The following ASB18 variants were observed in gnomAD, a reference collection of about 807,000 sequenced individuals.
ASB18 encodes ankyrin repeat and SOCS box protein 18.
A neutral mutation model predicts 33.4 loss-of-function variants in ASB18; 33 were observed. That is an observed-to-expected ratio of 0.99 (90% CI 0.75 to 1.32). ASB18 has a LOEUF of 1.32. Ranked by LOEUF, ASB18 falls within the 40% of genes most tolerant of loss-of-function variation. ASB18 has a pLI of 0.00. For synonymous variants in ASB18, 295 were observed against 307.6 expected (o/e 0.96, Z 0.43); for missense variants, 694 against 655.5 (o/e 1.06, Z -0.64).
At chr2:236,258,256 T>C (rs1574673970) in intron 1 of ASB18, among the ~76,000 whole-genome samples, 1 of 152,132 alleles carries the variant, frequency 6.6e-6, no homozygotes, top group Non-Finnish European at 1.5e-5. Flanking sequence ...GCTTTGTTGA[T>C]CCCCTCCACA....
At position 236,241,803 on chromosome 2, in the gene ASB18, C is replaced by T. The variant is rs1049738832; in HGVS notation, c.206-401G>A. Among the ~76,000 whole-genome samples the T allele has an allele frequency of 2.0e-5, 3 of 152,116 alleles. No individual in the cohort carries two copies. The highest frequency in any genetic ancestry group is 2.0e-4 in the Admixed American group (3 of 15,274). On this transcript the variant is annotated intron_variant, in intron 1 of 5. Transcript: ENST00000409749. This position sits in a 1 kb window ranked among gnomAD's most constrained non-coding sequence, Gnocchi z 4.2. Reference sequence around the variant, plus strand: ...TAGCTCCAAAGCAGCTCTCCATGCACCGAGGGCAGACTCCCAGCACACATT... The same window carrying T: ...TAGCTCCAAAGCAGCTCTCCATGCATCGAGGGCAGACTCCCAGCACACATT...
rs1470932651 is a variant in ASB18 at position 236,252,719 on chromosome 2, C to CAGG, written c.206-11320_206-11318dup. Among the ~76,000 whole-genome samples the CAGG allele has an allele frequency of 6.6e-6, 1 of 152,076 alleles. No individual in the cohort carries two copies. Among genetic ancestry groups the CAGG allele is most frequent in the African/African-American group, 2.4e-5 (1 of 41,410 alleles). ...GGGGTCAGGCAGAGGGGCACCTGAG[C>CAGG]AGGAAATGAAGCCGCCACAGACAGC... On this transcript the variant is annotated intron_variant, in intron 1 of 5. Transcript: ENST00000409749. The surrounding 1 kb of genome is among the most constrained non-coding windows in gnomAD (Gnocchi z 7.9).
In ASB18 at chr2:236,203,371, A is replaced by G. The variant is rs2060415410; in HGVS notation, c.1102-6986T>C. Among the ~76,000 whole-genome samples the G allele has an allele frequency of 1.3e-5, 2 of 152,146 alleles. No homozygotes were observed. The stretch of plus-strand genomic sequence containing the variant: ...AGAGTGTTCTAGGCAGAGAAAACGT[A>G]TTATGCCAGGTTTGGGAGGTGAGAA... On this transcript the variant is annotated intron_variant, in intron 4 of 5. Coordinates refer to ENST00000409749, the MANE Select transcript of ASB18 (RefSeq NM_212556.4). This position sits in a 1 kb window ranked among gnomAD's most constrained non-coding sequence, Gnocchi z 6.0.
rs2060595887 is a variant in ASB18 at position 236,237,116 on chromosome 2, G to A, written c.596+573C>T. Among the ~76,000 whole-genome samples the A allele has an allele frequency of 6.6e-6, 1 of 152,144 alleles. No homozygotes were observed. The highest frequency in any genetic ancestry group is 1.5e-5 in the Non-Finnish European group (1 of 68,026). Reference sequence around the variant, plus strand: ...GAGGCCGGCACAGCTCCGCTTCCGAGCGGGCCTGGAAGCCCCGCCCGAGGA... The same window carrying A: ...GAGGCCGGCACAGCTCCGCTTCCGAACGGGCCTGGAAGCCCCGCCCGAGGA... On this transcript the variant is annotated intron_variant, in intron 3 of 5. Coordinates refer to ENST00000409749, the MANE Select transcript of ASB18 (RefSeq NM_212556.4). This position sits in a 1 kb window ranked among gnomAD's most constrained non-coding sequence, Gnocchi z 6.2.
intron 4 of ASB18, among the ~76,000 whole-genome samples, chr2:236,199,215 C>G (rs1344150060): frequency 1.3e-5 from 2 of 151,862 alleles, no homozygotes; most frequent in African/African-American, 4.8e-5. Flanking sequence ...AGTTCAAGAC[C>G]AGCCTGACCA....
intron 3 of ASB18, among the ~76,000 whole-genome samples, chr2:236,232,018 C>G (rs1483298303): frequency 6.6e-6 from 1 of 152,162 alleles, no homozygotes; most frequent in African/African-American, 2.4e-5. Context: ...ATTTAATTTA[C>G]ATTTATAGAA....
rs942176469 is a variant in ASB18 at position 236,208,040 on chromosome 2, C to A, written c.1101+6322G>T. Among the ~76,000 whole-genome samples, 14 of 152,040 alleles carry A rather than the reference C, an allele frequency of 9.2e-5. No individual in the cohort carries two copies. The highest frequency in any genetic ancestry group is 1.6e-4 in the Non-Finnish European group (11 of 67,998). Reference sequence around the variant, plus strand: ...CAGGAGCTGTTCTTTCTAGACTGGGCATCATATCGACATCATAAGAGCTAT... The same window carrying A: ...CAGGAGCTGTTCTTTCTAGACTGGGAATCATATCGACATCATAAGAGCTAT... On this transcript the variant is annotated intron_variant, in intron 4 of 5. Transcript: ENST00000409749. The surrounding 1 kb of genome is among the most constrained non-coding windows in gnomAD (Gnocchi z 7.7).
At position 236,234,195 on chromosome 2, in the gene ASB18, G is replaced by T. The variant is rs1168131895; in HGVS notation, c.596+3494C>A. 6.6e-6 allele frequency among the ~76,000 whole-genome samples: 1 copy of T among 152,136 alleles called. No homozygotes were observed. The highest frequency in any genetic ancestry group is 1.9e-4 in the East Asian group (1 of 5,196). On this transcript the variant is annotated intron_variant, in intron 3 of 5. Transcript: ENST00000409749. This position sits in a 1 kb window ranked among gnomAD's most constrained non-coding sequence, Gnocchi z 4.1. The stretch of plus-strand genomic sequence containing the variant: ...TTGGTAGAACACCTGGATACTCCTG[G>T]GTTGGAAGCTTGTAAGGAGTTGCTA...
At position 236,209,953 on chromosome 2, in the gene ASB18, T is replaced by A. The variant is rs530186625; in HGVS notation, c.1101+4409A>T. ...GTCCCCCGCTTCACAAAGATAAGCC[T>A]TCAGCCTTCAGATCTCGGCTCACTC... On this transcript the variant is annotated intron_variant, in intron 4 of 5. Coordinates refer to ENST00000409749, the MANE Select transcript of ASB18 (RefSeq NM_212556.4). The surrounding 1 kb of genome is among the most constrained non-coding windows in gnomAD (Gnocchi z 4.4). Among the ~76,000 whole-genome samples the A allele has an allele frequency of 2.0e-4, 31 of 152,224 alleles. No individual in the cohort carries two copies. Among genetic ancestry groups the A allele is most frequent in the Non-Finnish European group, 3.5e-4 (24 of 68,036 alleles).
rs72976621 is a variant in ASB18, at chr2:236,241,993, A to G, written c.206-591T>C. Among the ~76,000 whole-genome samples the G allele has an allele frequency of 9.0e-4, 137 of 152,288 alleles. No homozygotes were observed. The highest frequency in any genetic ancestry group is 1.7e-3 in the Non-Finnish European group (114 of 68,012). On this transcript the variant is annotated intron_variant, in intron 1 of 5. Transcript: ENST00000409749. The surrounding 1 kb of genome is among the most constrained non-coding windows in gnomAD (Gnocchi z 4.2). Reference sequence around the variant, plus strand: ...TAATATCCTCTCAGATTTTTTTTTAAAGTACTATATTTGGAATCTGGAAAT... The same window carrying G: ...TAATATCCTCTCAGATTTTTTTTTAGAGTACTATATTTGGAATCTGGAAAT...
rs1036102309 is a variant in ASB18, at chr2:236,204,941, A to G, written c.1102-8556T>C. Among the ~76,000 whole-genome samples the G allele has an allele frequency of 3.3e-5, 5 of 152,162 alleles. No individual in the cohort carries two copies. Among genetic ancestry groups the G allele is most frequent in the African/African-American group, 1.2e-4 (5 of 41,442 alleles). The stretch of plus-strand genomic sequence containing the variant: ...TGCTCCTGTTTCTCCTACACTCCAC[A>G]TCCCATCTGTTAAAAAATCCTGTTG... On this transcript the variant is annotated intron_variant, in intron 4 of 5. Coordinates refer to ENST00000409749, the MANE Select transcript of ASB18 (RefSeq NM_212556.4). The surrounding 1 kb of genome is among the most constrained non-coding windows in gnomAD (Gnocchi z 5.1).
rs911415525 is a variant in ASB18, at chr2:236,211,561, G to A, written c.1101+2801C>T. On this transcript the variant is annotated intron_variant, in intron 4 of 5. Transcript: ENST00000409749. The surrounding 1 kb of genome is among the most constrained non-coding windows in gnomAD (Gnocchi z 5.0). ...CACAGTACGGCTGCTGCCCACGGAC[G>A]GCTTGCCCTGTGACAGTGCTGGTGA... Among the ~76,000 whole-genome samples, 7 of 152,216 alleles carry A rather than the reference G, an allele frequency of 4.6e-5. No individual in the cohort carries two copies. Among genetic ancestry groups the A allele is most frequent in the Admixed American group, 2.6e-4 (4 of 15,286 alleles).
At position 236,238,286 on chromosome 2, in the gene ASB18, G is replaced by A. The variant is rs904188546; in HGVS notation, c.329-330C>T. Among the ~76,000 whole-genome samples, 2 of 152,280 alleles carry A rather than the reference G, an allele frequency of 1.3e-5. No homozygotes were observed. Among genetic ancestry groups the A allele is most frequent in the South Asian group, 2.1e-4 (1 of 4,812 alleles). ...TGGGAAATGGGGTCAGTTAAAAGCT[G>A]TCCAAGCAGGGTGCACGGTAGGCGA... On this transcript the variant is annotated intron_variant, in intron 2 of 5. Transcript: ENST00000409749. This position sits in a 1 kb window ranked among gnomAD's most constrained non-coding sequence, Gnocchi z 5.2.
rs142869632 is a variant in ASB18 at position 236,251,325 on chromosome 2, G to A, written c.206-9923C>T. On this transcript the variant is annotated intron_variant, in intron 1 of 5. Coordinates refer to ENST00000409749, the MANE Select transcript of ASB18 (RefSeq NM_212556.4). This position sits in a 1 kb window ranked among gnomAD's most constrained non-coding sequence, Gnocchi z 5.3. Reference sequence around the variant, plus strand: ...AAGGACATTTATAGACTCTGGGGACGTTGCTGGAAAGCGTATCATTGAAGC... The same window carrying A: ...AAGGACATTTATAGACTCTGGGGACATTGCTGGAAAGCGTATCATTGAAGC... Among the ~76,000 whole-genome samples, 188 of 152,328 alleles carry A rather than the reference G, an allele frequency of 1.2e-3. 1 individual carries two copies. Among genetic ancestry groups the A allele is most frequent in the African/African-American group, 4.4e-3 (183 of 41,574 alleles).
Position 236,220,628 on chromosome 2 carries a change from T to TGGGGAAATTGAGGCTTAAAA in ASB18, c.597-5782_597-5763dup, listed in dbSNP as rs1238318681. 1.5e-4 allele frequency among the ~76,000 whole-genome samples: 23 copies of TGGGGAAATTGAGGCTTAAAA among 151,934 alleles called. No individual in the cohort carries two copies. The highest frequency in any genetic ancestry group is 4.6e-4 in the Admixed American group (7 of 15,262). On this transcript the variant is annotated intron_variant, in intron 3 of 5. Coordinates refer to ENST00000409749, the MANE Select transcript of ASB18 (RefSeq NM_212556.4). This position sits in a 1 kb window ranked among gnomAD's most constrained non-coding sequence, Gnocchi z 5.1. ...TTGCATTGTAGGTGGAATTTACAGT[T>TGGGGAAATTGAGGCTTAAAA]GGGGAAATTGAGGCTTAAAAGGCCA...
chr2:236,243,643 A>T (rs2060632094), intron 1 of ASB18, among the ~76,000 whole-genome samples: 1 of 151,878 alleles, frequency 6.6e-6, no homozygotes, highest in Non-Finnish European at 1.5e-5. Context: ...CAGAGAACTG[A>T]TCCCTAAATG....
chr2:236,262,311 G>A lies in ASB18; in HGVS notation c.205+1830C>T, dbSNP rs2106288485. 6.6e-6 allele frequency among the ~76,000 whole-genome samples: 1 copy of A among 152,344 alleles called. No homozygotes were observed. Among genetic ancestry groups the A allele is most frequent in the East Asian group, 1.9e-4 (1 of 5,180 alleles). ...TGGCATGAGCTCAGGGCATGCTGAA[G>A]GCAGGCCGGGTTACAGGGGCTACAG... On this transcript the variant is annotated intron_variant, in intron 1 of 5. Transcript: ENST00000409749. The surrounding 1 kb of genome is among the most constrained non-coding windows in gnomAD (Gnocchi z 5.2).
intron 1 of ASB18, among the ~76,000 whole-genome samples, chr2:236,243,044 A>AAG (rs1399438658): frequency 1.0e-4 from 15 of 148,654 alleles, no homozygotes; most frequent in Admixed American, 3.4e-4. Flanking sequence ...AAAAAAAAAA[A>AAG]AAAGGGCTGG....
intron 3 of ASB18, among the ~76,000 whole-genome samples, chr2:236,232,394 A>G (rs1339066564): frequency 6.6e-6 from 1 of 152,104 alleles, no homozygotes; most frequent in Non-Finnish European, 1.5e-5. Context: ...ATTAAAAAAC[A>G]TGAAAGTTCC....
Sources: gnomAD v4.1 joint callset for allele counts (sites outside exome capture counted in the v4.1 genomes callset) on GRCh38, gnomAD v4.1.1 for gene constraint, Gnocchi (gnomAD v3.1) non-coding constraint, MANE v1.5 for transcripts, NCBI Gene and HGNC (gene_info 2026-07-23, HGNC 2026-07-21) for gene names.